Variants in SZRD1 observed in about 807,000 individuals in gnomAD.
SZRD1 encodes the protein SUZ RNA-binding domain-containing.
A neutral mutation model predicts 17.6 loss-of-function variants in SZRD1; 7 were observed. The ratio of observed to expected loss-of-function variants is 0.40; its 90% CI spans 0.23 to 0.75. SZRD1 has a LOEUF of 0.75. SZRD1 is among the 30% of genes least tolerant of loss of function. The pLI, the probability that SZRD1 is intolerant of heterozygous loss-of-function variation, is 0.38. For synonymous variants in SZRD1, 77 were observed against 77.9 expected (o/e 0.99, Z 0.06); for missense variants, 178 against 201.8 (o/e 0.88, Z 0.71).
Position 16,397,901 on chromosome 1 carries a change from G to T in SZRD1, c.*2761G>T. The T allele has an allele frequency of 2.3e-6, 1 of 432,278 alleles. No individual in the cohort carries two copies. Among genetic ancestry groups the T allele is most frequent in the Non-Finnish European group, 3.1e-6 (1 of 324,274 alleles). The allele number at this position is 432,278 out of a possible 1,614,324, so 26.8% of individuals were successfully genotyped here. A position where few individuals can be genotyped will look rare whatever the true frequency, so the allele number is the denominator to read the frequency against. ...TGGCAGGGCTGTACCCAGCCTCCCT[G>T]GTAAGCAGAGACTCAAGAAACCTCT... is the stretch of plus-strand genomic sequence containing the variant. On this transcript the variant is annotated 3_prime_UTR_variant, in exon 4 of 4. Transcript: ENST00000401088. The surrounding 1 kb of genome is among the most constrained non-coding windows in gnomAD (Gnocchi z 5.4).
intron 1 of SZRD1, among the ~76,000 whole-genome samples, chr1:16,375,317 T>A (rs943161284): frequency 1.3e-5 from 2 of 151,766 alleles, no homozygotes; most frequent in Non-Finnish European, 2.9e-5. Flanking sequence ...GACAGATAAT[T>A]TTTTTTTCTT....
chr1:16,373,752 C>T (rs12563903), intron 1 of SZRD1, among the ~76,000 whole-genome samples: 6 of 152,038 alleles, frequency 3.9e-5, no homozygotes, highest in East Asian at 1.9e-4. Flanking sequence ...TACAGGCATG[C>T]GCCACCACAC....
At chr1:16,371,429 CT>C (rs1214510624) in intron 1 of SZRD1, among the ~76,000 whole-genome samples, 4 of 147,958 alleles carry the variant, frequency 2.7e-5, no homozygotes, top group Non-Finnish European at 3.0e-5. Context: ...CTGCTCCCCC[CT>C]CTCCCTTCCT....
At chr1:16,373,099 G>A (rs2082940776) in intron 1 of SZRD1, among the ~76,000 whole-genome samples, 1 of 152,118 alleles carries the variant, frequency 6.6e-6, no homozygotes. Flanking sequence ...CTGGCTGAAG[G>A]GGAGAGGGTT....
intron 1 of SZRD1, chr1:16,369,641 C>T: frequency 1.8e-6 from 1 of 559,318 alleles, no homozygotes; most frequent in Non-Finnish European, 3.2e-6. Flanking sequence ...GTAATCCCAG[C>T]ACTGTGGGAG....
At chr1:16,377,094 C>G (rs1268158832) in intron 1 of SZRD1, among the ~76,000 whole-genome samples, 1 of 152,174 alleles carries the variant, frequency 6.6e-6, no homozygotes, top group African/African-American at 2.4e-5. Context: ...GTGTTCCATT[C>G]TGCCTGCTTT....
chr1:16,387,220 C>G, intron 1 of SZRD1: 1 of 444,536 alleles, frequency 2.2e-6, no homozygotes, highest in Non-Finnish European at 4.5e-6. Context: ...CAGACATGGC[C>G]TACGATGTCC....
intron 1 of SZRD1, chr1:16,368,077 G>C (rs2082853441): frequency 6.6e-6 from 1 of 152,144 alleles, no homozygotes; most frequent in East Asian, 1.9e-4. Context: ...CGTTCGACTT[G>C]TTTTTGGAGT....
Position 16,367,302 on chromosome 1 carries a change from C to T in SZRD1, c.45C>T (p.Asp15=), listed in dbSNP as rs375741964. The T allele has an allele frequency of 2.4e-5, 37 of 1,548,854 alleles. 1 individual carries two copies. In the African/African-American group the frequency reaches 3.8e-4, roughly 16 times the overall value. The change falls in exon 1 of 4, where the codon GAC becomes GAT. Residue 15 remains aspartate, a synonymous_variant. Transcript: ENST00000401088. ...EVAESWEEAA[D]SGEIDRRLEK... ...CTGAGAGCTGGGAAGAGGCGGCAGA[C>T]AGCGGGGTAAGGAGGAGCCGCCGTC... is the stretch of plus-strand genomic sequence containing the variant.
chr1:16,392,311 G>A (rs1216682069), intron 2 of SZRD1, among the ~76,000 whole-genome samples: 7 of 152,196 alleles, frequency 4.6e-5, no homozygotes, highest in Non-Finnish European at 1.0e-4. Flanking sequence ...GTTTGGTTCT[G>A]AAGAGAAGCT....
chr1:16,369,066 C>T lies in SZRD1; in HGVS notation c.51+1758C>T, dbSNP rs76590236. The T allele has an allele frequency of 2.0e-3, 566 of 280,596 alleles. 4 individuals carry two copies. The highest frequency in any genetic ancestry group is 0.012 in the African/African-American group (534 of 44,684). The allele number at this position is 280,596 out of a possible 1,614,324, so 17.4% of individuals were successfully genotyped here. On this transcript the variant is annotated intron_variant, in intron 1 of 3. Coordinates refer to ENST00000401088, the MANE Select transcript of SZRD1 (RefSeq NM_001114600.3). ...GATTTAGAGACTTAGGTCTTTCTGACGCTTGTCGCGTGTTCTTTCTTTTTT... is the reference window on the plus strand; with the variant it reads ...GATTTAGAGACTTAGGTCTTTCTGATGCTTGTCGCGTGTTCTTTCTTTTTT...
chr1:16,371,867 G>A (rs928099725), intron 1 of SZRD1, among the ~76,000 whole-genome samples: 2 of 152,182 alleles, frequency 1.3e-5, no homozygotes, highest in African/African-American at 2.4e-5. Flanking sequence ...GCCCACAGGC[G>A]TGTACCACTA....
At position 16,393,738 on chromosome 1, in the gene SZRD1, C is replaced by A. The variant is rs950796411; in HGVS notation, c.356+256C>A. 1.2e-4 allele frequency among the ~76,000 whole-genome samples: 19 copies of A among 152,180 alleles called. No homozygotes were observed. Among genetic ancestry groups the A allele is most frequent in the Non-Finnish European group, 2.2e-4 (15 of 68,038 alleles). The stretch of plus-strand genomic sequence containing the variant: ...CTCTGCGGTTGGTAGTCACCGGGGG[C>A]ACTGTTGTGTAGAGAGTGAAGGCAC... On this transcript the variant is annotated intron_variant, in intron 3 of 3. Transcript: ENST00000401088. The surrounding 1 kb of genome is among the most constrained non-coding windows in gnomAD (Gnocchi z 5.6).
chr1:16,379,491 T>C (rs1162920853), intron 1 of SZRD1, among the ~76,000 whole-genome samples: 1 of 152,248 alleles, frequency 6.6e-6, no homozygotes, highest in Non-Finnish European at 1.5e-5. Flanking sequence ...GCAAGGCTGC[T>C]GGACGCTCCA....
chr1:16,381,533 G>A (rs1370698346), intron 1 of SZRD1, among the ~76,000 whole-genome samples: 3 of 150,286 alleles, frequency 2.0e-5, no homozygotes, highest in Non-Finnish European at 3.0e-5. Flanking sequence ...CTCCAGCCTG[G>A]GCGACAGCGA....
At chr1:16,376,701 G>A (rs1320447076) in intron 1 of SZRD1, among the ~76,000 whole-genome samples, 1 of 151,682 alleles carries the variant, frequency 6.6e-6, no homozygotes, top group Non-Finnish European at 1.5e-5. Context: ...AGCTACCTGG[G>A]AGGCTGAGGC....
At chr1:16,370,990 A>G (rs943970913) in intron 1 of SZRD1, among the ~76,000 whole-genome samples, 4 of 152,220 alleles carry the variant, frequency 2.6e-5, no homozygotes, top group Non-Finnish European at 4.4e-5. Flanking sequence ...TATATAGGCA[A>G]TTGCGTAAAA....
chr1:16,378,148 G>A (rs983166336), intron 1 of SZRD1, among the ~76,000 whole-genome samples: 1 of 152,106 alleles, frequency 6.6e-6, no homozygotes, highest in Non-Finnish European at 1.5e-5. Context: ...CCGGCATGGA[G>A]ACCCTTTGAG....
intron 1 of SZRD1, among the ~76,000 whole-genome samples, chr1:16,386,037 T>C (rs2083181663): frequency 6.6e-6 from 1 of 152,222 alleles, no homozygotes; most frequent in Non-Finnish European, 1.5e-5. Flanking sequence ...TGTAGCCTCA[T>C]AGGACAAGTG....
Sources: gnomAD v4.1 joint callset for allele counts (sites outside exome capture counted in the v4.1 genomes callset) on GRCh38, gnomAD v4.1.1 for gene constraint, Gnocchi (gnomAD v3.1) non-coding constraint, MANE v1.5 for transcripts, NCBI Gene and HGNC (gene_info 2026-07-23, HGNC 2026-07-21) for gene names.